The following ARHGAP26 variants were observed in gnomAD, a reference collection of about 807,000 sequenced individuals.
The protein encoded by ARHGAP26 is Rho GTPase activating protein 26.
ARHGAP26 carries 38 observed loss-of-function variants against 104.8 expected under a neutral mutation model. The observed-to-expected ratio is 0.36, with a 90% confidence interval of 0.28 to 0.48. The LOEUF is 0.48. Among genes scored for constraint, ARHGAP26 ranks in the 20% least tolerant of loss-of-function variants. The probability of loss-of-function intolerance (pLI) is 0.99; values close to 1 mark genes in which losing one functional copy is unlikely to be tolerated. For synonymous variants in ARHGAP26, 341 were observed against 340.0 expected (o/e 1.00, Z -0.03); for missense variants, 704 against 947.9 (o/e 0.74, Z 3.38).
intron 1 of ARHGAP26, among the ~76,000 whole-genome samples, chr5:142,867,320 TG>T (rs1754484074): frequency 4.6e-5 from 7 of 151,174 alleles, no homozygotes; most frequent in East Asian, 2.1e-4. Context: ...TGTGTGTGTG[TG>T]TGTGTGTTTT....
At chr5:143,086,046 G>A (rs1790544601) in intron 17 of ARHGAP26, among the ~76,000 whole-genome samples, 1 of 152,140 alleles carries the variant, frequency 6.6e-6, no homozygotes, top group African/African-American at 2.4e-5. Context: ...GACTGTCAGA[G>A]CTGGCCTTTC....
intron 1 of ARHGAP26, among the ~76,000 whole-genome samples, chr5:142,843,557 A>G (rs1771247456): frequency 6.6e-6 from 1 of 152,144 alleles, no homozygotes. Context: ...TGACATACCT[A>G]TGGAGTAGTG....
intron 11 of ARHGAP26, among the ~76,000 whole-genome samples, chr5:142,962,550 A>G (rs951860864): frequency 2.0e-5 from 3 of 152,220 alleles, no homozygotes; most frequent in African/African-American, 4.8e-5. Flanking sequence ...GCTGCCAACC[A>G]GAAATCCACA....
chr5:142,977,290 G>A (rs760978142), intron 11 of ARHGAP26, among the ~76,000 whole-genome samples: 1 of 152,138 alleles, frequency 6.6e-6, no homozygotes, highest in Non-Finnish European at 1.5e-5. Flanking sequence ...CTCAACCCGC[G>A]GTTCTTCCTT....
intron 12 of ARHGAP26, among the ~76,000 whole-genome samples, chr5:143,035,986 C>G (rs1243638916): frequency 6.7e-6 from 1 of 148,820 alleles, no homozygotes; most frequent in East Asian, 1.9e-4. Context: ...AACCAAACAC[C>G]ACCTGTTCTC....
intron 9 of ARHGAP26, among the ~76,000 whole-genome samples, chr5:142,911,165 C>G (rs914361343): frequency 6.6e-6 from 1 of 152,192 alleles, no homozygotes; most frequent in East Asian, 1.9e-4. Flanking sequence ...TGAGGCACCT[C>G]TGCAGATCTG....
intron 18 of ARHGAP26, among the ~76,000 whole-genome samples, chr5:143,132,728 A>C (rs1475782040): frequency 6.6e-6 from 1 of 152,134 alleles, no homozygotes; most frequent in Non-Finnish European, 1.5e-5. Context: ...CAGACTCTCT[A>C]ACCACAGAAC....
intron 17 of ARHGAP26, among the ~76,000 whole-genome samples, chr5:143,084,693 T>G (rs1269679997): frequency 6.6e-6 from 1 of 152,172 alleles, no homozygotes; most frequent in Non-Finnish European, 1.5e-5. Flanking sequence ...AATAACCAGC[T>G]GCTTGTAGGG....
chr5:142,937,028 A>C (rs930599235), intron 11 of ARHGAP26, among the ~76,000 whole-genome samples: 2 of 152,186 alleles, frequency 1.3e-5, no homozygotes, highest in African/African-American at 2.4e-5. Context: ...TTCTTCATCA[A>C]AATTAAACGC....
At chr5:142,772,219 G>A (rs534085368) in intron 1 of ARHGAP26, among the ~76,000 whole-genome samples, 1 of 152,254 alleles carries the variant, frequency 6.6e-6, no homozygotes, top group Non-Finnish European at 1.5e-5. Context: ...TGCCAGGGCA[G>A]CCCAAAGTGC....
At chr5:143,205,029 GAA>G (rs1808347943) in intron 20 of ARHGAP26, among the ~76,000 whole-genome samples, 1 of 152,058 alleles carries the variant, frequency 6.6e-6, no homozygotes, top group Non-Finnish European at 1.5e-5. Context: ...AGAGGACTGA[GAA>G]AGTGAGGCCT....
At chr5:143,120,116 T>C (rs1337068261) in intron 17 of ARHGAP26, among the ~76,000 whole-genome samples, 5 of 152,208 alleles carry the variant, frequency 3.3e-5, no homozygotes, top group Admixed American at 2.6e-4. Context: ...TCAACAAAAC[T>C]GAATGGCATT....
intron 1 of ARHGAP26, among the ~76,000 whole-genome samples, chr5:142,776,634 A>G (rs1275811071): frequency 1.3e-5 from 2 of 152,174 alleles, no homozygotes; most frequent in Non-Finnish European, 2.9e-5. Flanking sequence ...TTGTTTATCC[A>G]TTCACCAGCT....
intron 11 of ARHGAP26, among the ~76,000 whole-genome samples, chr5:143,001,405 A>G (rs1777175363): frequency 6.6e-6 from 1 of 152,214 alleles, no homozygotes; most frequent in Non-Finnish European, 1.5e-5. Context: ...GATATCTGCA[A>G]CTCCTCTTAA....
intron 3 of ARHGAP26, among the ~76,000 whole-genome samples, chr5:142,876,729 A>G (rs1002066657): frequency 2.1e-4 from 28 of 133,412 alleles, no homozygotes; most frequent in Non-Finnish European, 3.7e-4. Flanking sequence ...GTGATCTGTG[A>G]TTGAACCATT....
intron 17 of ARHGAP26, among the ~76,000 whole-genome samples, chr5:143,070,467 A>C (rs1368328181): frequency 6.6e-6 from 1 of 152,256 alleles, no homozygotes; most frequent in African/African-American, 2.4e-5. Flanking sequence ...AACTTCTACA[A>C]GAGAAACTAC....
intron 5 of ARHGAP26, among the ~76,000 whole-genome samples, chr5:142,888,871 T>G (rs1045780184): frequency 6.6e-6 from 1 of 152,188 alleles, no homozygotes; most frequent in Non-Finnish European, 1.5e-5. Context: ...TAGGAGGAAG[T>G]CTCTTTTCCA....
Position 142,770,598 on chromosome 5 carries a change from C to T in ARHGAP26, c.-164C>T. On this transcript the variant is annotated 5_prime_UTR_variant, in exon 1 of 23. Coordinates refer to ENST00000645722, the MANE Select transcript of ARHGAP26 (RefSeq NM_001135608.3). Reference sequence around the variant, plus strand: ...CCGGGTCCGAGCTCGGTTCGGGAGTCTTGCGCGCCGGCGGACACCGCGCGC... The same window carrying T: ...CCGGGTCCGAGCTCGGTTCGGGAGTTTTGCGCGCCGGCGGACACCGCGCGC... 2.7e-6 allele frequency: 1 copy of T among 368,138 alleles called. No homozygotes were observed. The highest frequency in any genetic ancestry group is 3.9e-6 in the Non-Finnish European group (1 of 254,658). 22.8% of individuals were successfully genotyped at this position (368,138 alleles called of 1,614,324 possible). A position where few individuals can be genotyped will look rare whatever the true frequency, so the allele number is the denominator to read the frequency against.
At chr5:143,058,591 A>G (rs563878013) in intron 17 of ARHGAP26, among the ~76,000 whole-genome samples, 2 of 152,330 alleles carry the variant, frequency 1.3e-5, no homozygotes, top group South Asian at 4.1e-4. Context: ...AGTTAACCTA[A>G]ATTATTAAAC....
Sources: gnomAD v4.1 joint callset for allele counts (sites outside exome capture counted in the v4.1 genomes callset) on GRCh38, gnomAD v4.1.1 for gene constraint, MANE v1.5 for transcripts, NCBI Gene and HGNC (gene_info 2026-07-23, HGNC 2026-07-21) for gene names.